C4orf50: variants seen among roughly 807,000 people sequenced by gnomAD.
The protein encoded by C4orf50 is chromosome 4 open reading frame 50.
C4orf50 carries 80 observed loss-of-function variants against 77.2 expected under a neutral mutation model. The ratio of observed to expected loss-of-function variants is 1.04; its 90% CI spans 0.87 to 1.25. C4orf50 has a LOEUF of 1.25. Ranked by LOEUF, C4orf50 falls within the 50% of genes most tolerant of loss-of-function variation. The probability of loss-of-function intolerance (pLI) is 0.00; values close to 1 mark genes in which losing one functional copy is unlikely to be tolerated. For missense variants in C4orf50, 1,257 were observed against 1,152.9 expected, an observed-to-expected ratio of 1.09 and a Z score of -1.31; for synonymous variants, 532 against 465.3, an observed-to-expected ratio of 1.14 and a Z score of -1.84.
At chr4:5,995,781 T>C (rs1404242033) in intron 25 of C4orf50, among the ~76,000 whole-genome samples, 1 of 152,232 alleles carries the variant, frequency 6.6e-6, no homozygotes, top group Non-Finnish European at 1.5e-5. Context: ...GTAGATGTTT[T>C]AGATTGACGA....
chr4:5,934,003 G>A (rs1717887779), intron 7 of C4orf50, among the ~76,000 whole-genome samples: 1 of 152,202 alleles, frequency 6.6e-6, no homozygotes, highest in Non-Finnish European at 1.5e-5. Flanking sequence ...GTCTGTGAGC[G>A]AGAATCACCT....
At chr4:6,004,077 GAT>G (rs1280754851) in intron 25 of C4orf50, among the ~76,000 whole-genome samples, 8 of 55,202 alleles carry the variant, frequency 1.4e-4, no homozygotes, top group East Asian at 5.2e-4. Flanking sequence ...TGATGGTGAT[GAT>G]GTGATAGTGA....
intron 28 of C4orf50, among the ~76,000 whole-genome samples, chr4:5,984,812 T>A: frequency 6.6e-6 from 1 of 150,748 alleles, no homozygotes. Context: ...ATTTTCTAAG[T>A]CTGACAGAAA....
intron 24 of C4orf50, among the ~76,000 whole-genome samples, chr4:6,010,069 C>T (rs964984950): frequency 6.6e-6 from 1 of 152,170 alleles, no homozygotes; most frequent in Non-Finnish European, 1.5e-5. Flanking sequence ...TCATCTTTTG[C>T]CCCTCATCAC....
chr4:5,923,948 C>T (rs1484317393), intron 7 of C4orf50, among the ~76,000 whole-genome samples: 4 of 152,208 alleles, frequency 2.6e-5, no homozygotes, highest in East Asian at 3.9e-4. Context: ...GAAGAGCAGA[C>T]TTGCTGAGTC....
intron 7 of C4orf50, chr4:5,903,905 C>A (rs1328044498): frequency 1.3e-5 from 2 of 152,134 alleles, no homozygotes; most frequent in East Asian, 3.9e-4. Flanking sequence ...AAACATGATA[C>A]ATTTGTGGGC....
At chr4:5,969,661 T>G (rs1194809705) in intron 31 of C4orf50, among the ~76,000 whole-genome samples, 1 of 151,968 alleles carries the variant, frequency 6.6e-6, no homozygotes, top group African/African-American at 2.4e-5. Context: ...TGCCAGGCAT[T>G]TGACATGGGG....
intron 7 of C4orf50, among the ~76,000 whole-genome samples, chr4:5,915,745 G>A (rs545287945): frequency 7.2e-5 from 11 of 152,180 alleles, no homozygotes; most frequent in South Asian, 2.1e-4. Flanking sequence ...ACACGTGCTC[G>A]TTTCAATAGG....
rs1319329058 is a variant in C4orf50 at position 5,901,752 on chromosome 4, G to A, written c.*2475-3564C>T. 6.6e-6 allele frequency: 1 copy of A among 152,296 alleles called. No homozygotes were observed. The highest frequency in any genetic ancestry group is 1.5e-5 in the Non-Finnish European group (1 of 68,164). 9.4% of individuals were successfully genotyped at this position (152,296 alleles called of 1,614,324 possible). ...CCAGGGACCCTGGAAATGACTGAGGGGATAACCGAAGCAGCACAGGCTGGC... is the reference window on the plus strand; with the variant it reads ...CCAGGGACCCTGGAAATGACTGAGGAGATAACCGAAGCAGCACAGGCTGGC... On this transcript the variant is annotated intron_variant, in intron 7 of 7. Coordinates refer to the C4orf50 transcript ENST00000324058. This position sits in a 1 kb window ranked among gnomAD's most constrained non-coding sequence, Gnocchi z 4.4.
At position 5,920,193 on chromosome 4, in the gene C4orf50, T is replaced by C. The variant is rs76016025; in HGVS notation, c.*2475-22005A>G. Among the ~76,000 whole-genome samples, 183 of 152,304 alleles carry C rather than the reference T, an allele frequency of 1.2e-3. 1 individual carries two copies. Among genetic ancestry groups the C allele is most frequent in the African/African-American group, 4.2e-3 (175 of 41,556 alleles). ...TGCACAGATACCGGGGATAACTCTATGTGCATTAGTGTTTCTTGCATAGCA... is the reference window on the plus strand; with the variant it reads ...TGCACAGATACCGGGGATAACTCTACGTGCATTAGTGTTTCTTGCATAGCA... On this transcript the variant is annotated intron_variant, in intron 7 of 7. Coordinates refer to the C4orf50 transcript ENST00000324058.
chr4:6,016,457 G>C (rs1722686793), intron 23 of C4orf50, among the ~76,000 whole-genome samples: 1 of 152,216 alleles, frequency 6.6e-6, no homozygotes, highest in Non-Finnish European at 1.5e-5. Flanking sequence ...GCTGAGGCAG[G>C]AGAATCGCTT....
rs1577931842 is a variant in C4orf50, at chr4:5,958,711, G to A, written c.*664C>T. ...GGATATCAACAGACGTTTTTGGAGT[G>A]GATGGACTGATTAGAAAGTTCTGGT... On this transcript the variant is annotated 3_prime_UTR_variant, in exon 34 of 34. Coordinates refer to ENST00000531445, the Ensembl canonical transcript of C4orf50. This position sits in a 1 kb window ranked among gnomAD's most constrained non-coding sequence, Gnocchi z 5.4. The A allele has an allele frequency of 1.3e-5, 2 of 152,202 alleles. No individual in the cohort carries two copies. Among genetic ancestry groups the A allele is most frequent in the East Asian group, 1.9e-4 (1 of 5,190 alleles). The allele number at this position is 152,202 out of a possible 1,614,324, so 9.4% of individuals were successfully genotyped here.
downstream of C4orf50, among the ~76,000 whole-genome samples, chr4:5,953,776 G>T (rs901042704): frequency 2.6e-5 from 4 of 152,206 alleles, no homozygotes; most frequent in Non-Finnish European, 4.4e-5. Context: ...CACTAGATCT[G>T]AGTCAGCAAA....
Position 5,993,857 on chromosome 4 carries a change from TAA to T in C4orf50, c.1093+488_1093+489del, listed in dbSNP as rs10708646. On this transcript the variant is annotated intron_variant, in intron 26 of 33. Coordinates refer to ENST00000531445, the Ensembl canonical transcript of C4orf50. ...AAAAATAAAAATAAATAAAAATAAATAAAAAAAAAAAAGAGAGAGAGAGATAT... is the reference window on the plus strand; with the variant it reads ...AAAAATAAAAATAAATAAAAATAAATAAAAAAAAAAGAGAGAGAGAGATAT... Among the ~76,000 whole-genome samples the T allele has an allele frequency of 1.7e-3, 248 of 144,392 alleles. 1 individual carries two copies. The highest frequency in any genetic ancestry group is 2.6e-3 in the Non-Finnish European group (171 of 65,172). The allele number at this position is 144,392 out of a possible 152,430, so 94.7% of individuals were successfully genotyped here. A position where few individuals can be genotyped will look rare whatever the true frequency, so the allele number is the denominator to read the frequency against.
At chr4:6,010,980 G>T (rs1393203813) in intron 24 of C4orf50, among the ~76,000 whole-genome samples, 2 of 152,212 alleles carry the variant, frequency 1.3e-5, no homozygotes, top group African/African-American at 2.4e-5. Flanking sequence ...GGCCCAGAGA[G>T]GTTAAGTCAC....
intron 31 of C4orf50, among the ~76,000 whole-genome samples, chr4:5,972,341 G>T (rs1219312186): frequency 6.6e-6 from 1 of 152,082 alleles, no homozygotes; most frequent in African/African-American, 2.4e-5. Flanking sequence ...CAGATATCAG[G>T]CCCCTAGTGG....
At chr4:5,927,167 G>C (rs941761301) in intron 7 of C4orf50, among the ~76,000 whole-genome samples, 1 of 152,140 alleles carries the variant, frequency 6.6e-6, no homozygotes, top group Admixed American at 6.5e-5. Flanking sequence ...AGCCAGCTGT[G>C]CCTGGAGGCC....
chr4:5,913,536 T>C (rs987967249), intron 7 of C4orf50, among the ~76,000 whole-genome samples: 2 of 152,240 alleles, frequency 1.3e-5, no homozygotes, highest in Non-Finnish European at 2.9e-5. Flanking sequence ...AAATGCTTTC[T>C]TCTCAAAATG....
intron 7 of C4orf50, among the ~76,000 whole-genome samples, chr4:5,910,376 T>C (rs1420962428): frequency 6.6e-6 from 1 of 152,246 alleles, no homozygotes; most frequent in Admixed American, 6.5e-5. Flanking sequence ...TTTAAGCCTT[T>C]TGAAAAGCTT....
Sources: gnomAD v4.1 joint callset for allele counts (sites outside exome capture counted in the v4.1 genomes callset) on GRCh38, gnomAD v4.1.1 for gene constraint, Gnocchi (gnomAD v3.1) non-coding constraint, MANE v1.5 for transcripts, NCBI Gene and HGNC (gene_info 2026-07-23, HGNC 2026-07-21) for gene names.